ANO4: variants seen among roughly 807,000 people sequenced by gnomAD.
The protein encoded by ANO4 is anoctamin-4.
A neutral mutation model predicts 141.9 loss-of-function variants in ANO4; 69 were observed. The ratio of observed to expected loss-of-function variants is 0.49; its 90% CI spans 0.40 to 0.59. The LOEUF (loss-of-function observed/expected upper bound fraction) is 0.59. Among genes scored for constraint, ANO4 ranks in the 20% least tolerant of loss-of-function variants. The pLI is 0.00. For missense variants in ANO4, 894 were observed against 1,162.2 expected (o/e 0.77, Z 3.36); for synonymous variants, 350 against 394.3 (o/e 0.89, Z 1.33).
At chr12:100,979,411 A>G (rs955173636) in intron 7 of ANO4, among the ~76,000 whole-genome samples, 1 of 152,096 alleles carries the variant, frequency 6.6e-6, no homozygotes, top group Non-Finnish European at 1.5e-5. Context: ...CAAGATCCCA[A>G]GTGATACCTG....
At chr12:100,887,317 C>T (rs1157190778) in intron 1 of ANO4, among the ~76,000 whole-genome samples, 1 of 152,188 alleles carries the variant, frequency 6.6e-6, no homozygotes, top group Non-Finnish European at 1.5e-5. Context: ...GCAGAGTATA[C>T]TTTTTCATTA....
chr12:100,919,474 T>C (rs1470401920), intron 2 of ANO4, among the ~76,000 whole-genome samples: 1 of 152,160 alleles, frequency 6.6e-6, no homozygotes, highest in South Asian at 2.1e-4. Flanking sequence ...CAGTATTCAG[T>C]GCAGTAACAT....
chr12:100,864,999 T>C (rs879281298), intron 1 of ANO4, among the ~76,000 whole-genome samples: 14 of 152,164 alleles, frequency 9.2e-5, no homozygotes, highest in Non-Finnish European at 1.0e-4. Context: ...CCATGGTGTA[T>C]ATGTGCCACA....
chr12:101,058,839 T>C (rs1370918245), intron 14 of ANO4, among the ~76,000 whole-genome samples: 1 of 152,214 alleles, frequency 6.6e-6, no homozygotes, highest in African/African-American at 2.4e-5. Context: ...CTTTTCCTAT[T>C]TGAATACCCT....
chr12:100,721,075 A>G (rs546770246), intron 1 of ANO4, among the ~76,000 whole-genome samples: 1 of 152,332 alleles, frequency 6.6e-6, no homozygotes, highest in African/African-American at 2.4e-5. Context: ...CACCAGTTAG[A>G]ACTTCTTTCT....
rs1042496981 is a variant in ANO4 at position 101,068,976 on chromosome 12, T to C, written c.1313-10217T>C. 2.4e-5 allele frequency: 19 copies of C among 788,164 alleles called. No individual in the cohort carries two copies. The African/African-American group carries it at 2.9e-4, about 12-fold the overall frequency. 48.8% of individuals were successfully genotyped at this position (788,164 alleles called of 1,614,324 possible). On this transcript the variant is annotated intron_variant, in intron 14 of 27. Coordinates refer to ENST00000392977, the MANE Select transcript of ANO4 (RefSeq NM_001286615.2). ...GATGCACCAAAGCCCTCATTGACTA[T>C]GAAAAATCAAACAAAGCTCTGGATA...
At chr12:101,099,557 G>A in intron 21 of ANO4, 21 bp from the exon 22 acceptor site, 1 of 1,575,026 alleles carries the variant, frequency 6.3e-7, no homozygotes, top group Non-Finnish European at 8.6e-7. Context: ...TTTTTTGTAA[G>A]AAATTGATCT....
chr12:101,071,112 G>T (rs560812932), intron 14 of ANO4, among the ~76,000 whole-genome samples: 16 of 152,178 alleles, frequency 1.1e-4, no homozygotes, highest in African/African-American at 3.4e-4. Flanking sequence ...AAGTTTCGAG[G>T]TTCCTCACAG....
In ANO4 at chr12:101,078,146, C is replaced by A. The variant is rs554495251; in HGVS notation, c.1313-1047C>A. Among the ~76,000 whole-genome samples, 3 of 152,224 alleles carry A rather than the reference C, an allele frequency of 2.0e-5. No individual in the cohort carries two copies. In the South Asian group the frequency reaches 6.2e-4, roughly 32 times the overall value. On this transcript the variant is annotated intron_variant, in intron 14 of 27. Coordinates refer to ENST00000392977, the MANE Select transcript of ANO4 (RefSeq NM_001286615.2). ...GAAGAAAGTAATTATATTTTTTTGA[C>A]ATGGCCATTTACATAATTTACTTTC...
intron 1 of ANO4, among the ~76,000 whole-genome samples, chr12:100,837,740 G>T (rs1020261080): frequency 1.9e-5 from 2 of 103,316 alleles, no homozygotes; most frequent in Admixed American, 9.8e-5. Context: ...AAAAAAAAAA[G>T]CTCGCTCATA....
At chr12:100,787,985 A>T (rs958767873) in intron 3 of ANO4, among the ~76,000 whole-genome samples, 2 of 152,224 alleles carry the variant, frequency 1.3e-5, no homozygotes, top group Non-Finnish European at 2.9e-5. Context: ...GTAGATGGAC[A>T]TGCTGTTGCT....
chr12:101,094,440 A>C, intron 18 of ANO4, 148 bp downstream of exon 18: 1 of 534,370 alleles, frequency 1.9e-6, no homozygotes. Flanking sequence ...TCAACAGAAT[A>C]ATTTAAATAT....
intron 14 of ANO4, among the ~76,000 whole-genome samples, chr12:101,061,871 C>G (rs946628817): frequency 2.6e-5 from 4 of 152,152 alleles, no homozygotes; most frequent in South Asian, 2.1e-4. Flanking sequence ...CCTTCTGAAG[C>G]CTACTTCTGT....
chr12:100,992,735 CCAATACCTAACA>C (rs1475577989), intron 8 of ANO4, among the ~76,000 whole-genome samples: 1 of 152,156 alleles, frequency 6.6e-6, no homozygotes, highest in Non-Finnish European at 1.5e-5. Context: ...GATTGTATCT[CCAATACCTAACA>C]CAATACCTAG....
At chr12:101,108,566 T>C (rs1214502201) in intron 22 of ANO4, among the ~76,000 whole-genome samples, 4 of 152,178 alleles carry the variant, frequency 2.6e-5, no homozygotes, top group South Asian at 2.1e-4. Context: ...TGTTTTTACA[T>C]AGAAAATGCT....
intron 14 of ANO4, among the ~76,000 whole-genome samples, chr12:101,065,398 A>C (rs942801438): frequency 1.3e-5 from 2 of 152,178 alleles, no homozygotes; most frequent in African/African-American, 4.8e-5. Flanking sequence ...AGAAGACCCA[A>C]ATAAATAAAA....
chr12:100,891,287 G>A (rs2040092440), intron 1 of ANO4, among the ~76,000 whole-genome samples: 1 of 152,200 alleles, frequency 6.6e-6, no homozygotes, highest in South Asian at 2.1e-4. Context: ...AAACATTCAT[G>A]CGCAGGTTTC....
chr12:101,018,254 G>A (rs2046390009), intron 8 of ANO4, among the ~76,000 whole-genome samples: 1 of 152,166 alleles, frequency 6.6e-6, no homozygotes, highest in South Asian at 2.1e-4. Flanking sequence ...GAGACTCTCG[G>A]TTTTCTCCTC....
intron 2 of ANO4, among the ~76,000 whole-genome samples, chr12:100,735,888 A>T (rs1164757215): frequency 6.6e-6 from 1 of 152,204 alleles, no homozygotes; most frequent in African/African-American, 2.4e-5. Context: ...AGATATTGGC[A>T]CTATCTGCAC....
Sources: gnomAD v4.1 joint callset for allele counts (sites outside exome capture counted in the v4.1 genomes callset) on GRCh38, gnomAD v4.1.1 for gene constraint, MANE v1.5 for transcripts, NCBI Gene and HGNC (gene_info 2026-07-23, HGNC 2026-07-21) for gene names.